The following TAS2R1 variants were observed in gnomAD, a reference collection of about 807,000 sequenced individuals.
TAS2R1 encodes the protein taste 2 receptor member 1.
For synonymous variants in TAS2R1, 141 were observed against 134.2 expected, an observed-to-expected ratio of 1.05 and a Z score of -0.35; for missense variants, 370 against 353.4, an observed-to-expected ratio of 1.05 and a Z score of -0.38.
At chr5:9,786,782 C>T in the TAS2R1 span, among the ~76,000 whole-genome samples, 2 of 152,076 alleles carry the variant, frequency 1.3e-5, no homozygotes, top group Non-Finnish European at 1.5e-5. Context: ...GAAATAACCT[C>T]CTTTACTGAG....
the TAS2R1 span, among the ~76,000 whole-genome samples, chr5:9,814,162 T>A: frequency 1.3e-5 from 2 of 152,204 alleles, no homozygotes; most frequent in Non-Finnish European, 2.9e-5. Flanking sequence ...CCCCCTTTGA[T>A]GTTAAATGGA....
the TAS2R1 span, among the ~76,000 whole-genome samples, chr5:9,821,757 T>C: frequency 1.3e-5 from 2 of 152,240 alleles, no homozygotes; most frequent in East Asian, 3.8e-4. Context: ...TTGTACTTAA[T>C]TAATTGTATC....
At chr5:9,630,945 G>A (rs1271726988), upstream of TAS2R1, among the ~76,000 whole-genome samples, 1 of 152,180 alleles carries the variant, frequency 6.6e-6, no homozygotes, top group Non-Finnish European at 1.5e-5. Flanking sequence ...TAATGCTGAA[G>A]TGGGTTTTCT....
At chr5:9,729,721 T>G in the TAS2R1 span, among the ~76,000 whole-genome samples, 6 of 152,234 alleles carry the variant, frequency 3.9e-5, no homozygotes, top group Non-Finnish European at 5.9e-5. Flanking sequence ...AATGTTGTTT[T>G]AAAGTCAACC....
chr5:9,793,129 G>A, the TAS2R1 span, among the ~76,000 whole-genome samples: 3 of 152,086 alleles, frequency 2.0e-5, no homozygotes, highest in Non-Finnish European at 4.4e-5. Context: ...AGCAAAACAC[G>A]GTCCTAAAAT....
At chr5:9,858,331 A>G in the TAS2R1 span, among the ~76,000 whole-genome samples, 7 of 152,202 alleles carry the variant, frequency 4.6e-5, no homozygotes, top group African/African-American at 1.7e-4. Flanking sequence ...TGGCAGGCCC[A>G]GTGTTGGCAT....
the TAS2R1 span, among the ~76,000 whole-genome samples, chr5:9,864,398 C>T: frequency 2.6e-5 from 4 of 152,058 alleles, no homozygotes; most frequent in African/African-American, 9.7e-5. Flanking sequence ...GAGGCTGAGA[C>T]AGGCGGGTCT....
chr5:9,788,558 G>C, the TAS2R1 span, among the ~76,000 whole-genome samples: 5 of 152,292 alleles, frequency 3.3e-5, no homozygotes, highest in East Asian at 9.6e-4. Flanking sequence ...AGGTATGTGA[G>C]AGTAGAAGCA....
the TAS2R1 span, among the ~76,000 whole-genome samples, chr5:9,894,115 G>A: frequency 6.6e-6 from 1 of 152,068 alleles, no homozygotes; most frequent in Non-Finnish European, 1.5e-5. Flanking sequence ...TTAAGAGGAG[G>A]AAATTGGCCA....
At chr5:9,749,289 A>G in the TAS2R1 span, among the ~76,000 whole-genome samples, 2 of 152,240 alleles carry the variant, frequency 1.3e-5, no homozygotes, top group African/African-American at 4.8e-5. Context: ...GGCCTAGCAT[A>G]GCCATCACCA....
the TAS2R1 span, among the ~76,000 whole-genome samples, chr5:9,767,719 C>T: frequency 6.6e-6 from 1 of 152,046 alleles, no homozygotes; most frequent in East Asian, 1.9e-4. Context: ...CACTTGAGGT[C>T]AGGAGTTTGA....
At chr5:9,778,184 G>T in the TAS2R1 span, among the ~76,000 whole-genome samples, 1 of 152,234 alleles carries the variant, frequency 6.6e-6, no homozygotes, top group Non-Finnish European at 1.5e-5. Context: ...CCGGCGGGAG[G>T]CCAGGTGTTT....
chr5:9,772,506 G>A, the TAS2R1 span, among the ~76,000 whole-genome samples: 1 of 152,022 alleles, frequency 6.6e-6, no homozygotes, highest in African/African-American at 2.4e-5. Flanking sequence ...TTGGGTAAAT[G>A]TCTACTAGGT....
chr5:9,801,296 G>A, the TAS2R1 span, among the ~76,000 whole-genome samples: 1 of 152,222 alleles, frequency 6.6e-6, no homozygotes, highest in African/African-American at 2.4e-5. Flanking sequence ...GCACCTTGAT[G>A]CAAGACCACC....
chr5:9,644,658 T>C (rs1740153970), intron 2 of TAS2R1, among the ~76,000 whole-genome samples: 1 of 152,146 alleles, frequency 6.6e-6, no homozygotes, highest in African/African-American at 2.4e-5. Flanking sequence ...TGCTAGCATA[T>C]AGAGGATATT....
chr5:9,819,387 G>A, the TAS2R1 span, among the ~76,000 whole-genome samples: 1 of 152,140 alleles, frequency 6.6e-6, no homozygotes, highest in Non-Finnish European at 1.5e-5. Flanking sequence ...TTAAGGTGAA[G>A]GTTTCTGCAA....
intron 1 of TAS2R1, among the ~76,000 whole-genome samples, chr5:9,689,046 A>G (rs569935806): frequency 6.6e-6 from 1 of 152,298 alleles, no homozygotes; most frequent in East Asian, 1.9e-4. Context: ...TAAAGGCTCC[A>G]GAGAACTCAC....
chr5:9,840,234 G>A, the TAS2R1 span, among the ~76,000 whole-genome samples: 7 of 152,266 alleles, frequency 4.6e-5, no homozygotes, highest in South Asian at 2.1e-4. Flanking sequence ...AATTTACCAC[G>A]AAAACAGGGT....
chr5:9,898,736 G>A, the TAS2R1 span, among the ~76,000 whole-genome samples: 1 of 152,108 alleles, frequency 6.6e-6, no homozygotes, highest in Non-Finnish European at 1.5e-5. Context: ...CCTAGATGAA[G>A]GGCAATACTC....
Sources: gnomAD v4.1 joint callset for allele counts (sites outside exome capture counted in the v4.1 genomes callset) on GRCh38, gnomAD v4.1.1 for gene constraint, MANE v1.5 for transcripts, NCBI Gene and HGNC (gene_info 2026-07-23, HGNC 2026-07-21) for gene names.